The following CFAP20DC variants were observed in gnomAD, a reference collection of about 807,000 sequenced individuals.
CFAP20DC encodes the protein protein CFAP20DC.
Under a neutral mutation model 101.7 loss-of-function variants are expected in CFAP20DC, and 84 were observed. The ratio of observed to expected loss-of-function variants is 0.83; its 90% CI spans 0.69 to 0.99. CFAP20DC has a LOEUF of 0.99. Ranked by LOEUF, CFAP20DC falls within the 50% of genes least tolerant of loss-of-function variation. The probability of loss-of-function intolerance (pLI) is 0.00; values close to 1 mark genes in which losing one functional copy is unlikely to be tolerated. For synonymous variants in CFAP20DC, 359 were observed against 351.2 expected (o/e 1.02, Z -0.25); for missense variants, 1,007 against 970.3 (o/e 1.04, Z -0.50).
rs140091015 is a variant in CFAP20DC, at chr3:58,732,711, G to A, written c.198-15083C>T. 1.2e-4 allele frequency among the ~76,000 whole-genome samples: 18 copies of A among 152,294 alleles called. No individual in the cohort carries two copies. The highest frequency in any genetic ancestry group is 6.5e-4 in the Admixed American group (10 of 15,294). ...TGGCACGAAAGCCGTGGCAAAAACAGTTACTCAAAGGAATTGTAAATTTCC... is the reference window on the plus strand; with the variant it reads ...TGGCACGAAAGCCGTGGCAAAAACAATTACTCAAAGGAATTGTAAATTTCC... On this transcript the variant is annotated intron_variant, in intron 3 of 3. Transcript: ENST00000486145. The surrounding 1 kb of genome is among the most constrained non-coding windows in gnomAD (Gnocchi z 5.4).
intron 14 of CFAP20DC, among the ~76,000 whole-genome samples, chr3:58,814,345 T>C (rs1441896049): frequency 2.0e-5 from 3 of 151,768 alleles, no homozygotes; most frequent in Non-Finnish European, 2.9e-5. Context: ...TAGGTATTGA[T>C]GGGACGTATT....
At chr3:58,847,452 C>T (rs1305912823) in intron 13 of CFAP20DC, among the ~76,000 whole-genome samples, 18 of 150,102 alleles carry the variant, frequency 1.2e-4, no homozygotes, top group Middle Eastern at 3.2e-3. Flanking sequence ...AAATGCAAAT[C>T]AAAACCACAA....
chr3:58,939,912 G>A (rs572202285), intron 4 of CFAP20DC, among the ~76,000 whole-genome samples: 6 of 151,742 alleles, frequency 4.0e-5, no homozygotes, highest in African/African-American at 1.2e-4. Flanking sequence ...GATTACCAGC[G>A]CGTGACATTA....
chr3:59,046,387 G>T, intron 2 of CFAP20DC, 65 bp from the exon 3 acceptor site: 4 of 1,007,004 alleles, frequency 4.0e-6, no homozygotes, highest in Non-Finnish European at 5.7e-6. Context: ...CTATAAAATT[G>T]AAACTTCAGA....
At chr3:59,020,015 G>T (rs979898011) in intron 4 of CFAP20DC, among the ~76,000 whole-genome samples, 3 of 151,958 alleles carry the variant, frequency 2.0e-5, no homozygotes, top group Non-Finnish European at 4.4e-5. Flanking sequence ...TTTAGCCAGA[G>T]ATTAAAAAGA....
chr3:58,844,920 C>A (rs1180735177), intron 13 of CFAP20DC, among the ~76,000 whole-genome samples: 1 of 138,854 alleles, frequency 7.2e-6, no homozygotes, highest in African/African-American at 3.0e-5. Flanking sequence ...CTACTGGGTA[C>A]ATAACGAAAT....
At chr3:58,787,987 G>T (rs962091465) in intron 15 of CFAP20DC, among the ~76,000 whole-genome samples, 2 of 151,710 alleles carry the variant, frequency 1.3e-5, no homozygotes, top group Non-Finnish European at 2.9e-5. Context: ...GGGCCTGTTG[G>T]GGGGTGGGGT....
At chr3:58,730,903 C>T (rs927113168) in intron 3 of CFAP20DC, among the ~76,000 whole-genome samples, 29 of 151,960 alleles carry the variant, frequency 1.9e-4, no homozygotes, top group African/African-American at 3.4e-4. Context: ...GGTATCCCTG[C>T]GAGTGTGTGT....
At position 58,990,754 on chromosome 3, in the gene CFAP20DC, G is replaced by GGTGTGTGTGTGTGTGTGTGTGT. The variant is rs71091398; in HGVS notation, c.278+48781_278+48802dup. ...ATTTTCAGATTTAGGATGCTCAGCT[G>GGTGTGTGTGTGTGTGTGTGTGT]GTGTGTGTGTGTGTGTGTGTGTGTG... On this transcript the variant is annotated intron_variant, in intron 4 of 16. Coordinates refer to ENST00000482387, the MANE Select transcript of CFAP20DC (RefSeq NM_001394063.1). Among the ~76,000 whole-genome samples the GGTGTGTGTGTGTGTGTGTGTGT allele has an allele frequency of 5.8e-4, 83 of 144,030 alleles. 1 individual carries two copies. The highest frequency in any genetic ancestry group is 2.0e-3 in the African/African-American group (79 of 38,714). The allele number at this position is 144,030 out of a possible 152,430, so 94.5% of individuals were successfully genotyped here. A position where few individuals can be genotyped will look rare whatever the true frequency, so the allele number is the denominator to read the frequency against.
rs570305728 is a variant in CFAP20DC at position 58,728,117 on chromosome 3, T to C, written c.198-10489A>G. 1.3e-5 allele frequency: 2 copies of C among 152,334 alleles called. No individual in the cohort carries two copies. The highest frequency in any genetic ancestry group is 6.5e-5 in the Admixed American group (1 of 15,310). The allele number at this position is 152,334 out of a possible 1,614,324, so 9.4% of individuals were successfully genotyped here. ...CAGAATGAGCGACCATAGCATGGTA[T>C]TGCATTTTGGTGAGCATGTGCTGCA... On this transcript the variant is annotated intron_variant, in intron 3 of 3. Transcript: ENST00000486145. The surrounding 1 kb of genome is among the most constrained non-coding windows in gnomAD (Gnocchi z 4.7).
chr3:58,835,732 C>G (rs932341481), intron 13 of CFAP20DC, among the ~76,000 whole-genome samples: 4 of 152,098 alleles, frequency 2.6e-5, no homozygotes, highest in African/African-American at 9.7e-5. Flanking sequence ...CTTAGTCCTG[C>G]GAAATGTTTT....
At chr3:58,808,020 A>G (rs1335528138) in intron 14 of CFAP20DC, among the ~76,000 whole-genome samples, 1 of 152,214 alleles carries the variant, frequency 6.6e-6, no homozygotes, top group Non-Finnish European at 1.5e-5. Context: ...GAGAAAAAAG[A>G]ATAAAAAGAA....
chr3:58,805,733 T>A (rs2107726415), intron 15 of CFAP20DC, among the ~76,000 whole-genome samples: 1 of 152,316 alleles, frequency 6.6e-6, no homozygotes, highest in Middle Eastern at 3.4e-3. Context: ...ATATACTTAT[T>A]TATCAGAAAG....
chr3:58,865,590 G>A (rs1341725531), intron 11 of CFAP20DC, among the ~76,000 whole-genome samples: 1 of 152,152 alleles, frequency 6.6e-6, no homozygotes, highest in Non-Finnish European at 1.5e-5. Flanking sequence ...GGATTCACTG[G>A]GCTCCCCTAT....
intron 5 of CFAP20DC, among the ~76,000 whole-genome samples, chr3:58,922,044 T>C (rs1380993254): frequency 6.6e-6 from 1 of 152,220 alleles, no homozygotes; most frequent in Non-Finnish European, 1.5e-5. Flanking sequence ...TTGCATGGTA[T>C]ATCATCTTAC....
intron 3 of CFAP20DC, among the ~76,000 whole-genome samples, chr3:58,731,502 T>C (rs17059758): frequency 0.056 from 8,457 of 152,222 alleles, 520 homozygotes; most frequent in East Asian, 0.35. Context: ...TAGGTTACTA[T>C]AAAAACACCA....
At chr3:59,018,773 T>C (rs1560000157) in intron 4 of CFAP20DC, 1 of 152,250 alleles carries the variant, frequency 6.6e-6, no homozygotes, top group East Asian at 1.9e-4. Flanking sequence ...GTCTATATCA[T>C]AGATAGTAGT....
intron 4 of CFAP20DC, among the ~76,000 whole-genome samples, chr3:59,000,068 C>A (rs1418582610): frequency 6.6e-6 from 1 of 152,154 alleles, no homozygotes; most frequent in Non-Finnish European, 1.5e-5. Flanking sequence ...CACCCTTGAT[C>A]TTGCAGCCAG....
intron 7 of CFAP20DC, among the ~76,000 whole-genome samples, chr3:58,880,470 C>T (rs912441040): frequency 3.3e-5 from 5 of 152,038 alleles, no homozygotes; most frequent in Non-Finnish European, 7.4e-5. Flanking sequence ...AGTAGTTTGT[C>T]TCTGGATTTT....
Sources: gnomAD v4.1 joint callset for allele counts (sites outside exome capture counted in the v4.1 genomes callset) on GRCh38, gnomAD v4.1.1 for gene constraint, Gnocchi (gnomAD v3.1) non-coding constraint, MANE v1.5 for transcripts, NCBI Gene and HGNC (gene_info 2026-07-23, HGNC 2026-07-21) for gene names.